The following PABPC4L variants were observed in gnomAD, a reference collection of about 807,000 sequenced individuals.
PABPC4L encodes poly(A) binding protein cytoplasmic 4 like.
For missense variants in PABPC4L, 452 were observed against 451.4 expected (o/e 1.00, Z -0.01); for synonymous variants, 169 against 164.1 (o/e 1.03, Z -0.23).
Position 134,199,560 on chromosome 4 carries a change from T to C in PABPC4L, c.*347A>G, listed in dbSNP as rs1729776152. ...TCATAGAAGAAATTAAAGCTAGCAATATTACTAAAATAATAAATATGCAAT... is the reference window on the plus strand; with the variant it reads ...TCATAGAAGAAATTAAAGCTAGCAACATTACTAAAATAATAAATATGCAAT... On this transcript the variant is annotated 3_prime_UTR_variant, in exon 2 of 2. Coordinates refer to ENST00000421491, the MANE Select transcript of PABPC4L (RefSeq NM_001114734.2). The C allele has an allele frequency of 6.0e-6, 1 of 166,266 alleles. No homozygotes were observed. Among genetic ancestry groups the C allele is most frequent in the Admixed American group, 6.4e-5 (1 of 15,690 alleles). 10.3% of individuals were successfully genotyped at this position (166,266 alleles called of 1,614,324 possible).
chr4:134,013,383 C>T, the PABPC4L span, among the ~76,000 whole-genome samples: 1 of 152,044 alleles, frequency 6.6e-6, no homozygotes, highest in African/African-American at 2.4e-5. Context: ...TCTCTACTCT[C>T]TTTTCTCTGG....
the PABPC4L span, among the ~76,000 whole-genome samples, chr4:133,991,130 T>G: frequency 2.0e-5 from 3 of 152,160 alleles, no homozygotes; most frequent in African/African-American, 7.2e-5. Context: ...CTAAATAACA[T>G]AAGACAAACA....
chr4:134,117,030 GTC>G, the PABPC4L span, among the ~76,000 whole-genome samples: 2 of 150,756 alleles, frequency 1.3e-5, no homozygotes, highest in Non-Finnish European at 3.0e-5. Context: ...CTATTTTTCT[GTC>G]TCTTTTTTTC....
the PABPC4L span, among the ~76,000 whole-genome samples, chr4:134,009,250 C>T: frequency 6.6e-6 from 1 of 151,880 alleles, no homozygotes; most frequent in Non-Finnish European, 1.5e-5. Flanking sequence ...AATTTTAAAA[C>T]ACCCAAAAGA....
the PABPC4L span, among the ~76,000 whole-genome samples, chr4:134,181,425 C>G: frequency 6.6e-6 from 1 of 151,902 alleles, no homozygotes; most frequent in East Asian, 1.9e-4. Flanking sequence ...TACTGAATGG[C>G]AAAAGCTGGA....
chr4:133,986,293 T>C, the PABPC4L span, among the ~76,000 whole-genome samples: 1,212 of 152,158 alleles, frequency 8.0e-3, 21 homozygotes, highest in African/African-American at 0.028. Flanking sequence ...CTTTGAATAC[T>C]TTAAAACTAT....
At chr4:134,113,367 A>G in the PABPC4L span, among the ~76,000 whole-genome samples, 6 of 151,950 alleles carry the variant, frequency 3.9e-5, no homozygotes, top group Admixed American at 3.9e-4. Context: ...GTATACAGGT[A>G]TACCATTATT....
chr4:134,066,493 T>C, the PABPC4L span, among the ~76,000 whole-genome samples: 1 of 152,068 alleles, frequency 6.6e-6, no homozygotes, highest in African/African-American at 2.4e-5. Context: ...GGAAGCAGAA[T>C]AGTTTGACTT....
At chr4:134,164,520 T>A in the PABPC4L span, among the ~76,000 whole-genome samples, 1 of 152,154 alleles carries the variant, frequency 6.6e-6, no homozygotes, top group East Asian at 1.9e-4. Flanking sequence ...ATGCAATCCC[T>A]TTTACAATAG....
chr4:134,110,729 A>G, the PABPC4L span, among the ~76,000 whole-genome samples: 2 of 151,888 alleles, frequency 1.3e-5, no homozygotes, highest in East Asian at 3.9e-4. Context: ...AACCTCCTGT[A>G]TATGTTAAAT....
At chr4:134,017,748 G>A in the PABPC4L span, among the ~76,000 whole-genome samples, 1 of 151,834 alleles carries the variant, frequency 6.6e-6, no homozygotes, top group African/African-American at 2.4e-5. Flanking sequence ...AATTCTATAT[G>A]ACAAATGTTT....
the PABPC4L span, among the ~76,000 whole-genome samples, chr4:133,962,376 C>CA: frequency 9.9e-5 from 15 of 151,950 alleles, no homozygotes; most frequent in Non-Finnish European, 1.6e-4. Flanking sequence ...CAAGCAAATC[C>CA]AAAAAACAAT....
At chr4:133,988,576 G>A in the PABPC4L span, among the ~76,000 whole-genome samples, 5 of 152,202 alleles carry the variant, frequency 3.3e-5, no homozygotes, top group African/African-American at 1.2e-4. Flanking sequence ...CAGCTTTCAG[G>A]AGCCCTGCCC....
At chr4:134,117,717 G>A in the PABPC4L span, among the ~76,000 whole-genome samples, 1 of 151,608 alleles carries the variant, frequency 6.6e-6, no homozygotes, top group Non-Finnish European at 1.5e-5. Context: ...AGCCTAGTTT[G>A]AAGAAAAAAA....
chr4:134,070,619 C>T, the PABPC4L span, among the ~76,000 whole-genome samples: 7 of 152,116 alleles, frequency 4.6e-5, no homozygotes, highest in East Asian at 5.8e-4. Context: ...GTCTGCCCAC[C>T]CAGACACTGG....
At chr4:134,019,313 A>G in the PABPC4L span, among the ~76,000 whole-genome samples, 8 of 152,128 alleles carry the variant, frequency 5.3e-5, no homozygotes, top group Non-Finnish European at 1.0e-4. Context: ...AACATACATA[A>G]ACACATGAAT....
At chr4:134,059,701 G>A in the PABPC4L span, among the ~76,000 whole-genome samples, 3 of 151,566 alleles carry the variant, frequency 2.0e-5, no homozygotes, top group South Asian at 2.1e-4. Flanking sequence ...GCAATATTCA[G>A]GAAGTCCCCT....
At chr4:134,049,022 A>G in the PABPC4L span, among the ~76,000 whole-genome samples, 7 of 152,102 alleles carry the variant, frequency 4.6e-5, no homozygotes, top group African/African-American at 1.7e-4. Flanking sequence ...CCATCATCAA[A>G]TGTTTCAACT....
chr4:133,974,616 T>G, the PABPC4L span, among the ~76,000 whole-genome samples: 4 of 152,052 alleles, frequency 2.6e-5, no homozygotes, highest in Non-Finnish European at 1.5e-5. Context: ...TATTTGCAAA[T>G]TATATATCTG....
Sources: gnomAD v4.1 joint callset for allele counts (sites outside exome capture counted in the v4.1 genomes callset) on GRCh38, gnomAD v4.1.1 for gene constraint, MANE v1.5 for transcripts, NCBI Gene and HGNC (gene_info 2026-07-23, HGNC 2026-07-21) for gene names.